STK32B: variants seen among roughly 807,000 people sequenced by gnomAD.
The protein encoded by STK32B is serine/threonine-protein kinase 32B.
STK32B carries 43 observed loss-of-function variants against 52.6 expected under a neutral mutation model. The ratio of observed to expected loss-of-function variants is 0.82; its 90% CI spans 0.64 to 1.05. The LOEUF is 1.05. Ranked by LOEUF, STK32B falls within the 50% of genes least tolerant of loss-of-function variation. The probability of loss-of-function intolerance (pLI) is 0.00; values close to 1 mark genes in which losing one functional copy is unlikely to be tolerated. For synonymous variants in STK32B, 238 were observed against 204.3 expected (o/e 1.17, Z -1.41); for missense variants, 621 against 534.6 (o/e 1.16, Z -1.59).
In STK32B at chr4:5,373,345, T is replaced by G. The variant is rs117261999; in HGVS notation, c.435-24862T>G. On this transcript the variant is annotated intron_variant, in intron 4 of 11. Coordinates refer to ENST00000282908, the MANE Select transcript of STK32B (RefSeq NM_018401.3). The stretch of plus-strand genomic sequence containing the variant: ...GTTCAACACCCATGTGATCCAATGG[T>G]GTAGTTTCTGCCTGAAAGCTGGCAG... Among the ~76,000 whole-genome samples, 426 of 152,264 alleles carry G rather than the reference T, an allele frequency of 2.8e-3. 9 individuals carry two copies. The East Asian group carries it at 0.065, about 23-fold the overall frequency.
chr4:5,371,586 G>A (rs1404865940), intron 4 of STK32B, among the ~76,000 whole-genome samples: 5 of 152,188 alleles, frequency 3.3e-5, no homozygotes, highest in African/African-American at 1.2e-4. Context: ...GGCCCAGCCG[G>A]CTGAAGGGGA....
chr4:5,401,098 G>A (rs1272631720), intron 5 of STK32B, among the ~76,000 whole-genome samples: 7 of 152,152 alleles, frequency 4.6e-5, no homozygotes, highest in Non-Finnish European at 1.0e-4. Flanking sequence ...GAGGGGAATG[G>A]CTGTTTGAGG....
chr4:5,487,510 A>G (rs61456874), intron 11 of STK32B, among the ~76,000 whole-genome samples: 2,463 of 152,296 alleles, frequency 0.016, 60 homozygotes, highest in African/African-American at 0.054. Context: ...AAATCTAAAG[A>G]CTGTGGAGGA....
chr4:5,166,463 G>A lies in STK32B; in HGVS notation c.109-1836G>A, dbSNP rs193244007. 2.0e-3 allele frequency among the ~76,000 whole-genome samples: 293 copies of A among 147,580 alleles called. 1 individual carries two copies. Among genetic ancestry groups the A allele is most frequent in the Non-Finnish European group, 3.3e-3 (224 of 67,134 alleles). ...AATGGCGTCATTTTAAGTGTAATTAGTTAAGATGAAGTCATACTAGATGAG... is the reference window on the plus strand; with the variant it reads ...AATGGCGTCATTTTAAGTGTAATTAATTAAGATGAAGTCATACTAGATGAG... On this transcript the variant is annotated intron_variant, in intron 2 of 11. Coordinates refer to ENST00000282908, the MANE Select transcript of STK32B (RefSeq NM_018401.3).
chr4:5,385,125 T>C (rs2109027941), intron 4 of STK32B, among the ~76,000 whole-genome samples: 1 of 150,712 alleles, frequency 6.6e-6, no homozygotes, highest in Middle Eastern at 3.4e-3. Context: ...ATGGTAGGGG[T>C]TGGGTAGGAA....
At position 5,456,794 on chromosome 4, in the gene STK32B, T is replaced by A. The variant is rs372649485; in HGVS notation, c.667-13T>A. 3 of 1,557,824 alleles carry A rather than the reference T, an allele frequency of 1.9e-6. No homozygotes were observed. In the African/African-American group the frequency reaches 4.1e-5, roughly 21 times the overall value. On this transcript the variant is annotated splice_polypyrimidine_tract_variant and intron_variant, in intron 7 of 11. Transcript: ENST00000282908. ...CTCTCTCTCTGATTCTGGCTGTTGT[T>A]CTTTGATTGCAGAGGCCGTACGAAA...
At chr4:5,054,154 C>T (rs542794568) in intron 1 of STK32B, among the ~76,000 whole-genome samples, 6 of 152,266 alleles carry the variant, frequency 3.9e-5, no homozygotes, top group Non-Finnish European at 8.8e-5. Flanking sequence ...TCATTTATTT[C>T]GTAGGCATTT....
At chr4:5,377,665 G>A (rs1017708943) in intron 4 of STK32B, among the ~76,000 whole-genome samples, 8 of 152,300 alleles carry the variant, frequency 5.3e-5, no homozygotes, top group African/African-American at 1.9e-4. Flanking sequence ...TGGATCATGG[G>A]GGTGTCTTCT....
chr4:5,280,773 C>G (rs1490582880), intron 3 of STK32B, among the ~76,000 whole-genome samples: 1 of 152,018 alleles, frequency 6.6e-6, no homozygotes, highest in African/African-American at 2.4e-5. Flanking sequence ...GTGGTGGGTG[C>G]CTGTAATCCC....
chr4:5,498,081 G>A (rs928870247), intron 11 of STK32B, among the ~76,000 whole-genome samples: 1 of 152,124 alleles, frequency 6.6e-6, no homozygotes. Context: ...AGGCTAAAAA[G>A]ATAAAGTGAC....
At chr4:5,242,245 A>G (rs538042374) in intron 3 of STK32B, among the ~76,000 whole-genome samples, 1 of 152,092 alleles carries the variant, frequency 6.6e-6, no homozygotes, top group Non-Finnish European at 1.5e-5. Context: ...CCTGTTGTTT[A>G]CTGACTTTTT....
chr4:5,344,524 C>G (rs899995933), intron 4 of STK32B, among the ~76,000 whole-genome samples: 4 of 152,142 alleles, frequency 2.6e-5, no homozygotes, highest in African/African-American at 9.7e-5. Flanking sequence ...GGAACCTTGA[C>G]ATGTATAAGA....
intron 1 of STK32B, among the ~76,000 whole-genome samples, chr4:5,087,398 G>A (rs1577059500): frequency 6.6e-6 from 1 of 151,994 alleles, no homozygotes; most frequent in East Asian, 1.9e-4. Context: ...CAAATAAAAA[G>A]CTATGACTTA....
chr4:5,267,858 C>A (rs923758105), intron 3 of STK32B, among the ~76,000 whole-genome samples: 14 of 152,228 alleles, frequency 9.2e-5, no homozygotes, highest in African/African-American at 2.9e-4. Flanking sequence ...TGTTCCTCAG[C>A]TCCACCATCT....
chr4:5,249,453 T>A (rs758649543), intron 3 of STK32B, among the ~76,000 whole-genome samples: 617 of 60,894 alleles, frequency 0.01, 6 homozygotes, highest in African/African-American at 0.059. Context: ...CTTCCTTCCT[T>A]CCTTCCTTCC....
chr4:5,323,017 A>G (rs371805608), intron 3 of STK32B, among the ~76,000 whole-genome samples: 1 of 152,282 alleles, frequency 6.6e-6, no homozygotes, highest in African/African-American at 2.4e-5. Context: ...GGTTTCCTCC[A>G]TTGGGCAATT....
intron 6 of STK32B, among the ~76,000 whole-genome samples, chr4:5,434,081 C>T (rs976419437): frequency 6.6e-5 from 10 of 152,162 alleles, no homozygotes; most frequent in African/African-American, 1.4e-4. Flanking sequence ...CTGATCTTTC[C>T]AGGCCATTGC....
At chr4:5,178,595 C>T (rs146529518) in intron 3 of STK32B, among the ~76,000 whole-genome samples, 2,224 of 152,294 alleles carry the variant, frequency 0.015, 32 homozygotes, top group Middle Eastern at 0.068. Flanking sequence ...ATTTTCCAAA[C>T]GTTTATGCTC....
chr4:5,090,123 T>C (rs1283522592), intron 1 of STK32B, among the ~76,000 whole-genome samples: 1 of 152,054 alleles, frequency 6.6e-6, no homozygotes, highest in African/African-American at 2.4e-5. Flanking sequence ...CTTTGTCAGA[T>C]AGGGAGATTG....
Sources: allele counts gnomAD v4.1 joint callset (sites outside exome capture counted in the v4.1 genomes callset), GRCh38; gene constraint gnomAD v4.1.1; transcripts MANE v1.5; gene names NCBI Gene and HGNC (gene_info 2026-07-23, HGNC 2026-07-21).